The following KCTD2 variants were observed in gnomAD, a reference collection of about 807,000 sequenced individuals.
KCTD2 encodes the protein potassium channel tetramerization domain containing 2.
In KCTD2, 18 loss-of-function variants were observed where a neutral mutation model predicts 27.9. That is an observed-to-expected ratio of 0.64 (90% confidence interval 0.45 to 0.96). The LOEUF is 0.96. Ranked by LOEUF, KCTD2 falls within the 40% of genes least tolerant of loss-of-function variation. KCTD2 has a pLI of 0.00. For synonymous variants in KCTD2, 175 were observed against 148.4 expected, an observed-to-expected ratio of 1.18 and a Z score of -1.30; for missense variants, 280 against 348.0, an observed-to-expected ratio of 0.80 and a Z score of 1.56.
chr17:75,049,115 GAATT>G, intron 1 of KCTD2, 101 bp from the exon 2 acceptor site: 1 of 656,912 alleles, frequency 1.5e-6, no homozygotes, highest in Non-Finnish European at 2.6e-6. Context: ...CTGATGGAAT[GAATT>G]GTTGTCTTGG....
intron 2 of KCTD2, among the ~76,000 whole-genome samples, chr17:75,034,515 C>G (rs777577285): frequency 3.3e-5 from 5 of 152,156 alleles, no homozygotes; most frequent in Admixed American, 1.3e-4. Flanking sequence ...CGGTAAGACG[C>G]TAAACCCACG....
intron 2 of KCTD2, 29 bp downstream of exon 2, chr17:75,049,357 T>A: frequency 7.6e-7 from 1 of 1,314,970 alleles, no homozygotes; most frequent in Non-Finnish European, 1.1e-6. Context: ...TTGGGGATTT[T>A]CAAAATGCAA....
intron 3 of KCTD2, among the ~76,000 whole-genome samples, chr17:75,037,411 C>A (rs1457723028): frequency 6.6e-6 from 1 of 151,334 alleles, no homozygotes. Flanking sequence ...ACCATGCAGA[C>A]TTTTCCTACA....
intron 1 of KCTD2, chr17:75,033,902 C>T (rs1472818083): frequency 6.6e-6 from 1 of 152,308 alleles, no homozygotes; most frequent in African/African-American, 2.4e-5. Context: ...GCCACGTGCC[C>T]CAAGCCCCAG....
At chr17:75,037,972 C>G (rs2073119903) in intron 3 of KCTD2, among the ~76,000 whole-genome samples, 1 of 151,894 alleles carries the variant, frequency 6.6e-6, no homozygotes, top group Admixed American at 6.6e-5. Flanking sequence ...TGGCATGAAC[C>G]CATGAGGTAA....
rs2040078596 is a variant in KCTD2 at position 75,032,889 on chromosome 17, AACT to A, written c.-470+166_-470+168del. 1 of 152,252 alleles carries A rather than the reference AACT, an allele frequency of 6.6e-6. No homozygotes were observed. The highest frequency in any genetic ancestry group is 2.4e-5 in the African/African-American group (1 of 41,450). The allele number at this position is 152,252 out of a possible 1,614,324, so 9.4% of individuals were successfully genotyped here. On this transcript the variant is annotated intron_variant, in intron 1 of 7. Coordinates refer to the KCTD2 transcript ENST00000581589. This position sits in a 1 kb window ranked among gnomAD's most constrained non-coding sequence, Gnocchi z 4.8. ...AAAGGGGGGCATCCTCAAGGCAGTA[AACT>A]GGAGCCAAGTGGGTTAAATCCTTCT...
At chr17:75,036,388 TGTG>T (rs2040114390) in intron 3 of KCTD2, among the ~76,000 whole-genome samples, 1 of 152,226 alleles carries the variant, frequency 6.6e-6, no homozygotes, top group Admixed American at 6.5e-5. Context: ...CCCGAAGTGT[TGTG>T]ATTACAGGCG....
chr17:75,065,133 GAA>G lies in KCTD2; in HGVS notation c.*2089_*2090del, dbSNP rs2073444062. The G allele has an allele frequency of 6.6e-6, 1 of 152,184 alleles. No homozygotes were observed. The highest frequency in any genetic ancestry group is 1.5e-5 in the Non-Finnish European group (1 of 68,044). The allele number at this position is 152,184 out of a possible 1,614,324, so 9.4% of individuals were successfully genotyped here. A position where few individuals can be genotyped will look rare whatever the true frequency, so the allele number is the denominator to read the frequency against. On this transcript the variant is annotated 3_prime_UTR_variant, in exon 6 of 6. Coordinates refer to ENST00000322444, the MANE Select transcript of KCTD2 (RefSeq NM_015353.3). ...TCTTAGATTCCATAGTTGCCGCCAT[GAA>G]AAGACTGCTCTTGAGCCCCAAGGCA... is the stretch of plus-strand genomic sequence containing the variant.
In KCTD2 at chr17:75,047,430, A is replaced by T; in HGVS notation, c.180A>T (p.Gly60=). ...AVAQPLEPGP[G]PPERAGGGGA... ...CGCAGCCGCTGGAGCCGGGTCCCGGACCACCCGAGCGGGCAGGGGGCGGCG... is the reference window on the plus strand; with the variant it reads ...CGCAGCCGCTGGAGCCGGGTCCCGGTCCACCCGAGCGGGCAGGGGGCGGCG... Residue 60 remains glycine (G), a synonymous_variant, in exon 1 of 6, where the codon GGA becomes GGT. Coordinates refer to ENST00000322444, the MANE Select transcript of KCTD2 (RefSeq NM_015353.3). 7.1e-7 allele frequency: 1 copy of T among 1,408,474 alleles called. No individual in the cohort carries two copies. Among genetic ancestry groups the T allele is most frequent in the Non-Finnish European group, 9.3e-7 (1 of 1,074,314 alleles). 87.2% of individuals were successfully genotyped at this position (1,408,474 alleles called of 1,614,324 possible).
At chr17:75,053,858 CTTT>C (rs71159419) in intron 3 of KCTD2, among the ~76,000 whole-genome samples, 54 of 59,314 alleles carry the variant, frequency 9.1e-4, no homozygotes, top group East Asian at 8.5e-3. Context: ...GTGAACCATG[CTTT>C]TTTTTTTTTT....
Position 75,062,112 on chromosome 17 carries a change from T to C in KCTD2, c.637-8T>C, listed in dbSNP as rs772694426. On this transcript the variant is annotated splice_polypyrimidine_tract_variant and splice_region_variant and intron_variant, in intron 4 of 5. Transcript: ENST00000322444. The stretch of plus-strand genomic sequence containing the variant: ...ACATGAATGTTCACTGTATTCTTGG[T>C]TCATCAGCTCATCAGCATCGGATCT... 6.2e-7 allele frequency: 1 copy of C among 1,613,956 alleles called. No homozygotes were observed. The highest frequency in any genetic ancestry group is 8.5e-7 in the Non-Finnish European group (1 of 1,179,898).
In KCTD2 at chr17:75,063,443, T is replaced by C. The variant is rs1222976183; in HGVS notation, c.*396T>C. 4.1e-6 allele frequency: 1 copy of C among 241,514 alleles called. No homozygotes were observed. The highest frequency in any genetic ancestry group is 8.3e-6 in the Non-Finnish European group (1 of 120,818). 15.0% of individuals were successfully genotyped at this position (241,514 alleles called of 1,614,324 possible). A position where few individuals can be genotyped will look rare whatever the true frequency, so the allele number is the denominator to read the frequency against. On this transcript the variant is annotated 3_prime_UTR_variant, in exon 6 of 6. Transcript: ENST00000322444. ...AGAGGATTGTTCCCGTGCCGTGCCA[T>C]GGTTTCACCCTATGTGTGCCACAAT...
intron 3 of KCTD2, among the ~76,000 whole-genome samples, chr17:75,055,316 A>G (rs1044176163): frequency 6.6e-6 from 1 of 151,708 alleles, no homozygotes; most frequent in African/African-American, 2.4e-5. Context: ...CAGCCTCCCA[A>G]AGTGCTGGGA....
In KCTD2 at chr17:75,032,897, C is replaced by G. The variant is rs956660564; in HGVS notation, c.-470+173C>G. The G allele has an allele frequency of 6.6e-6, 1 of 152,220 alleles. No homozygotes were observed. Among genetic ancestry groups the G allele is most frequent in the African/African-American group, 2.4e-5 (1 of 41,442 alleles). The allele number at this position is 152,220 out of a possible 1,614,324, so 9.4% of individuals were successfully genotyped here. A position where few individuals can be genotyped will look rare whatever the true frequency, so the allele number is the denominator to read the frequency against. Reference sequence around the variant, plus strand: ...GCATCCTCAAGGCAGTAAACTGGAGCCAAGTGGGTTAAATCCTTCTTGCTG... The same window carrying G: ...GCATCCTCAAGGCAGTAAACTGGAGGCAAGTGGGTTAAATCCTTCTTGCTG... On this transcript the variant is annotated intron_variant, in intron 1 of 7. Coordinates refer to the KCTD2 transcript ENST00000581589. The surrounding 1 kb of genome is among the most constrained non-coding windows in gnomAD (Gnocchi z 4.8).
intron 4 of KCTD2, chr17:75,060,385 T>G: frequency 6.8e-7 from 1 of 1,467,748 alleles, no homozygotes; most frequent in Non-Finnish European, 9.3e-7. Flanking sequence ...CACATTCAAG[T>G]GATCCTCTGC....
chr17:75,035,033 G>T (rs574484496), intron 2 of KCTD2, among the ~76,000 whole-genome samples: 9 of 152,148 alleles, frequency 5.9e-5, no homozygotes, highest in Non-Finnish European at 1.2e-4. Flanking sequence ...GGCGGCCAGG[G>T]TGCGAGCAGT....
chr17:75,046,684 G>C (rs140173009), upstream of KCTD2, among the ~76,000 whole-genome samples: 38 of 152,354 alleles, frequency 2.5e-4, no homozygotes, highest in East Asian at 5.2e-3. Flanking sequence ...GCTTGTGGCA[G>C]CGCCTACATC....
rs374311158 is a variant in KCTD2, at chr17:75,063,216, C to T, written c.*169C>T. The T allele has an allele frequency of 1.1e-4, 77 of 672,188 alleles. No homozygotes were observed. In the Middle Eastern group the frequency reaches 1.9e-3, roughly 17 times the overall value. The allele number at this position is 672,188 out of a possible 1,614,324, so 41.6% of individuals were successfully genotyped here. A position where few individuals can be genotyped will look rare whatever the true frequency, so the allele number is the denominator to read the frequency against. ...ACTAAAGGAACTCCCTCCCCACCTG[C>T]AGGACTCCGAAGACAGTGCGACTTC... On this transcript the variant is annotated 3_prime_UTR_variant, in exon 6 of 6. Transcript: ENST00000322444.
At chr17:75,034,270 A>C (rs1461594624) in intron 2 of KCTD2, among the ~76,000 whole-genome samples, 1 of 152,140 alleles carries the variant, frequency 6.6e-6, no homozygotes, top group Non-Finnish European at 1.5e-5. Flanking sequence ...CCGGAGAACC[A>C]GAGGTAAATG....
Sources: gnomAD v4.1 joint callset for allele counts (sites outside exome capture counted in the v4.1 genomes callset) on GRCh38, gnomAD v4.1.1 for gene constraint, Gnocchi (gnomAD v3.1) non-coding constraint, MANE v1.5 for transcripts, NCBI Gene and HGNC (gene_info 2026-07-23, HGNC 2026-07-21) for gene names.